Variants in CNPY1 observed in about 807,000 individuals in gnomAD.
CNPY1 encodes canopy FGF signaling regulator 1.
A neutral mutation model predicts 14.4 loss-of-function variants in CNPY1; 14 were observed. That is an observed-to-expected ratio of 0.97 (90% confidence interval 0.64 to 1.52). CNPY1 has a LOEUF of 1.52. CNPY1 is among the 40% of genes most tolerant of loss of function. CNPY1 has a pLI of 0.00. For missense variants in CNPY1, 129 were observed against 131.5 expected (o/e 0.98, Z 0.09); for synonymous variants, 43 against 46.5 (o/e 0.92, Z 0.31).
rs1585339049 is a variant in CNPY1, at chr7:155,542,862, C to A, written c.99+2969G>T. Among the ~76,000 whole-genome samples, 3 of 152,364 alleles carry A rather than the reference C, an allele frequency of 2.0e-5. No individual in the cohort carries two copies. The South Asian group carries it at 6.2e-4, about 32-fold the overall frequency. On this transcript the variant is annotated intron_variant, in intron 2 of 4. Coordinates refer to ENST00000636446, the MANE Select transcript of CNPY1 (RefSeq NM_001393663.1). ...CTGGCCTGAGAGAAGCTGGTTTGCA[C>A]ATCTCCCCTGTCCACACTGCCCTCC...
At chr7:155,544,231 C>G (rs538366509) in intron 2 of CNPY1, among the ~76,000 whole-genome samples, 3 of 152,236 alleles carry the variant, frequency 2.0e-5, no homozygotes, top group Non-Finnish European at 2.9e-5. Flanking sequence ...TGACTCCCCC[C>G]GCTCTCATCA....
intron 2 of CNPY1, among the ~76,000 whole-genome samples, chr7:155,521,916 C>A (rs771971417): frequency 6.6e-6 from 1 of 152,194 alleles, no homozygotes; most frequent in African/African-American, 2.4e-5. Flanking sequence ...CCCTGCCCTG[C>A]GGCTGACATC....
chr7:155,503,845 C>T (rs1013533479), intron 4 of CNPY1, among the ~76,000 whole-genome samples: 2 of 152,174 alleles, frequency 1.3e-5, no homozygotes, highest in African/African-American at 2.4e-5. Flanking sequence ...TTTATGCCTT[C>T]ATATATTCTA....
At chr7:155,514,830 G>T (rs989271566) in intron 2 of CNPY1, among the ~76,000 whole-genome samples, 23 of 152,128 alleles carry the variant, frequency 1.5e-4, no homozygotes, top group African/African-American at 5.6e-4. Context: ...GGAGGTGGAG[G>T]TTGCGGTGAG....
chr7:155,506,931 A>G (rs1796334086), intron 4 of CNPY1, 89 bp downstream of exon 4: 13 of 823,044 alleles, frequency 1.6e-5, no homozygotes, highest in Non-Finnish European at 2.5e-5. Flanking sequence ...AGAGGCAGCG[A>G]GGCTCGGTCT....
rs1797019652 is a variant in CNPY1, at chr7:155,536,065, C to A, written c.99+9766G>T. On this transcript the variant is annotated intron_variant, in intron 2 of 4. Transcript: ENST00000636446. This position sits in a 1 kb window ranked among gnomAD's most constrained non-coding sequence, Gnocchi z 4.1. ...GCAAGGTTTGGCTGTAGGTAGTAAA[C>A]CCTCCGGGATGATATTCTGGGCTGG... Among the ~76,000 whole-genome samples the A allele has an allele frequency of 6.6e-6, 1 of 152,164 alleles. No individual in the cohort carries two copies. Among genetic ancestry groups the A allele is most frequent in the East Asian group, 1.9e-4 (1 of 5,190 alleles).
intron 2 of CNPY1, among the ~76,000 whole-genome samples, chr7:155,542,685 C>T (rs566286616): frequency 1.9e-4 from 29 of 152,326 alleles, no homozygotes; most frequent in African/African-American, 6.7e-4. Context: ...TGCAGGCTGT[C>T]GTGGGCACCT....
intron 2 of CNPY1, among the ~76,000 whole-genome samples, chr7:155,538,661 T>C (rs1797051180): frequency 6.6e-6 from 1 of 152,158 alleles, no homozygotes; most frequent in South Asian, 2.1e-4. Flanking sequence ...CCATGAGATA[T>C]GAGGGGGAGT....
intron 2 of CNPY1, among the ~76,000 whole-genome samples, chr7:155,515,039 C>A (rs1796591165): frequency 6.6e-6 from 1 of 152,230 alleles, no homozygotes; most frequent in Non-Finnish European, 1.5e-5. Flanking sequence ...TGCACACACG[C>A]ACACACCACG....
intron 4 of CNPY1, among the ~76,000 whole-genome samples, chr7:155,504,285 G>T (rs78231638): frequency 6.6e-6 from 1 of 151,864 alleles, no homozygotes. Context: ...GTTTATGAAA[G>T]TCTCAGTGAT....
intron 2 of CNPY1, among the ~76,000 whole-genome samples, chr7:155,538,747 C>T (rs1269691552): frequency 6.6e-6 from 1 of 152,218 alleles, no homozygotes; most frequent in Non-Finnish European, 1.5e-5. Context: ...AAGCTGTTCA[C>T]TTTTCTGCTC....
In CNPY1 at chr7:155,502,095, AT is replaced by A. The variant is rs1796134861; in HGVS notation, c.*972del. 6.6e-6 allele frequency: 1 copy of A among 152,134 alleles called. No individual in the cohort carries two copies. Among genetic ancestry groups the A allele is most frequent in the African/African-American group, 2.4e-5 (1 of 41,426 alleles). The allele number at this position is 152,134 out of a possible 1,614,324, so 9.4% of individuals were successfully genotyped here. On this transcript the variant is annotated 3_prime_UTR_variant, in exon 5 of 5. Transcript: ENST00000636446. ...AAACTGGTGTAGACCATACCCTGAC[AT>A]TTTTAATCATTAAAGTCAGATTCCA...
At chr7:155,513,549 C>T (rs1277025207) in intron 2 of CNPY1, among the ~76,000 whole-genome samples, 2 of 151,678 alleles carry the variant, frequency 1.3e-5, no homozygotes, top group African/African-American at 2.4e-5. Flanking sequence ...AAATAGTTTG[C>T]GAGTAAGTGT....
At chr7:155,511,844 A>T (rs931569109) in intron 2 of CNPY1, among the ~76,000 whole-genome samples, 2 of 152,176 alleles carry the variant, frequency 1.3e-5, no homozygotes, top group South Asian at 2.1e-4. Flanking sequence ...CAAAGCATCA[A>T]TTTTTTTGAG....
intron 2 of CNPY1, among the ~76,000 whole-genome samples, chr7:155,517,697 C>T (rs1052931042): frequency 6.6e-6 from 1 of 152,208 alleles, no homozygotes; most frequent in African/African-American, 2.4e-5. Flanking sequence ...GCACTGGGCT[C>T]GGGGTCCGCC....
intron 2 of CNPY1, among the ~76,000 whole-genome samples, chr7:155,535,528 G>A (rs1422475729): frequency 5.3e-5 from 8 of 152,152 alleles, no homozygotes; most frequent in Non-Finnish European, 8.8e-5. Context: ...AGACAGAAAA[G>A]CTTTACCAAA....
At chr7:155,521,188 T>C (rs915128225) in intron 2 of CNPY1, among the ~76,000 whole-genome samples, 4 of 152,180 alleles carry the variant, frequency 2.6e-5, no homozygotes, top group Non-Finnish European at 5.9e-5. Flanking sequence ...TCCTCGGCTG[T>C]GGGTGGAGCG....
intron 2 of CNPY1, among the ~76,000 whole-genome samples, chr7:155,531,818 G>A (rs1350383208): frequency 3.9e-5 from 6 of 152,218 alleles, no homozygotes; most frequent in South Asian, 2.1e-4. Context: ...CCAGGGCGGT[G>A]CCTCAGAAGT....
chr7:155,510,140 T>C (rs907007722), intron 2 of CNPY1: 6 of 152,240 alleles, frequency 3.9e-5, no homozygotes, highest in Non-Finnish European at 5.9e-5. Context: ...CCAGCCTCCA[T>C]TGTCCCCTTT....
Sources: allele counts gnomAD v4.1 joint callset (sites outside exome capture counted in the v4.1 genomes callset), GRCh38; gene constraint gnomAD v4.1.1; non-coding constraint Gnocchi (gnomAD v3.1); transcripts MANE v1.5; gene names NCBI Gene and HGNC (gene_info 2026-07-23, HGNC 2026-07-21).